The following LINGO2 variants were observed in gnomAD, a reference collection of about 807,000 sequenced individuals.
LINGO2 encodes the protein leucine-rich repeat and immunoglobulin-like domain-containing nogo receptor-interacting protein 2.
In LINGO2, 14 loss-of-function variants were observed where a neutral mutation model predicts 30.6. The ratio of observed to expected loss-of-function variants is 0.46; its 90% CI spans 0.30 to 0.72. LINGO2 has a LOEUF of 0.72. Among genes scored for constraint, LINGO2 ranks in the 30% least tolerant of loss-of-function variants. LINGO2 has a pLI of 0.07. For missense variants in LINGO2, 729 were observed against 751.7 expected (o/e 0.97, Z 0.35); for synonymous variants, 317 against 288.5 (o/e 1.10, Z -1.00).
chr9:29,021,310 A>G, the LINGO2 span, among the ~76,000 whole-genome samples: 1 of 152,198 alleles, frequency 6.6e-6, no homozygotes, highest in African/African-American at 2.4e-5. Context: ...GTACACTCAT[A>G]GGTAAAATTC....
intron 4 of LINGO2, among the ~76,000 whole-genome samples, chr9:28,094,531 G>C (rs998715020): frequency 3.6e-5 from 5 of 137,478 alleles, no homozygotes; most frequent in Non-Finnish European, 6.0e-5. Context: ...GTGTGTGTGA[G>C]AGAGAGAGAG....
intron 4 of LINGO2, among the ~76,000 whole-genome samples, chr9:28,034,174 C>CAGCA (rs773231186): frequency 1.3e-5 from 2 of 152,160 alleles, no homozygotes; most frequent in Non-Finnish European, 2.9e-5. Flanking sequence ...CTGGGGCGTT[C>CAGCA]AGCAGCCTGC....
chr9:28,340,457 A>G (rs1825731746), intron 3 of LINGO2, among the ~76,000 whole-genome samples: 1 of 152,176 alleles, frequency 6.6e-6, no homozygotes, highest in Non-Finnish European at 1.5e-5. Flanking sequence ...ATTATATGAA[A>G]TTTGATTTGA....
intron 3 of LINGO2, among the ~76,000 whole-genome samples, chr9:28,321,058 AT>A (rs147262109): frequency 3.3e-5 from 5 of 151,908 alleles, no homozygotes; most frequent in South Asian, 2.1e-4. Context: ...ATTTTTGTTA[AT>A]TTTTTTTAAA....
chr9:28,967,191 G>A, the LINGO2 span, among the ~76,000 whole-genome samples: 1 of 152,068 alleles, frequency 6.6e-6, no homozygotes, highest in Non-Finnish European at 1.5e-5. Context: ...TCTGCCTTGA[G>A]GCCCAAGGCA....
the LINGO2 span, among the ~76,000 whole-genome samples, chr9:28,687,972 G>C: frequency 1.3e-5 from 2 of 152,098 alleles, no homozygotes; most frequent in Non-Finnish European, 2.9e-5. Flanking sequence ...TGTGTCAGCT[G>C]CATAAAACAG....
At chr9:28,376,091 T>TC (rs1396857242) in intron 2 of LINGO2, among the ~76,000 whole-genome samples, 1 of 151,408 alleles carries the variant, frequency 6.6e-6, no homozygotes, top group African/African-American at 2.4e-5. Flanking sequence ...TCCTTGCTTT[T>TC]TTTTTTTTTT....
chr9:28,195,641 C>G (rs887299484), intron 4 of LINGO2, among the ~76,000 whole-genome samples: 1 of 150,928 alleles, frequency 6.6e-6, no homozygotes, highest in Non-Finnish European at 1.5e-5. Context: ...AATAATATTA[C>G]CAGAACAGAT....
chr9:28,685,188 C>T, the LINGO2 span, among the ~76,000 whole-genome samples: 1 of 152,086 alleles, frequency 6.6e-6, no homozygotes, highest in Admixed American at 6.6e-5. Flanking sequence ...CATAGTATTC[C>T]ATGCTGTATT....
intron 4 of LINGO2, among the ~76,000 whole-genome samples, chr9:28,111,260 T>C (rs565538468): frequency 2.0e-5 from 3 of 152,096 alleles, no homozygotes; most frequent in Non-Finnish European, 4.4e-5. Context: ...ACAGGAGGTA[T>C]AGCATTAGGA....
the LINGO2 span, among the ~76,000 whole-genome samples, chr9:29,186,495 A>T: frequency 6.6e-6 from 1 of 152,090 alleles, no homozygotes; most frequent in Non-Finnish European, 1.5e-5. Context: ...TTTATAACTA[A>T]TGTACAAAAT....
At chr9:28,311,900 T>A (rs1373544560) in intron 3 of LINGO2, among the ~76,000 whole-genome samples, 1 of 152,172 alleles carries the variant, frequency 6.6e-6, no homozygotes, top group Non-Finnish European at 1.5e-5. Flanking sequence ...CCATGAAATC[T>A]TCACAATTTA....
chr9:28,850,059 G>C, the LINGO2 span, among the ~76,000 whole-genome samples: 3 of 151,744 alleles, frequency 2.0e-5, no homozygotes, highest in Non-Finnish European at 4.4e-5. Flanking sequence ...TTAGTTCTAC[G>C]GTTTTCTTTT....
chr9:29,056,490 T>G, the LINGO2 span, among the ~76,000 whole-genome samples: 3 of 152,190 alleles, frequency 2.0e-5, no homozygotes, highest in Non-Finnish European at 2.9e-5. Flanking sequence ...TTCTAGATAT[T>G]AGTCCTTCAT....
rs192575952 is a variant in LINGO2 at position 28,004,834 on chromosome 9, G to C, written c.-36+7521C>G. Among the ~76,000 whole-genome samples the C allele has an allele frequency of 3.9e-5, 6 of 152,266 alleles. No homozygotes were observed. The Middle Eastern group carries it at 0.01, about 259-fold the overall frequency. ...GGTATGGGTAGAGATAGAAATGTTG[G>C]AGAATGCGGCAGGGATCTCTGTTTT... On this transcript the variant is annotated intron_variant, in intron 5 of 5. Coordinates refer to ENST00000379992, the Ensembl canonical transcript of LINGO2.
At chr9:28,477,848 A>G (rs981563683) in intron 1 of LINGO2, among the ~76,000 whole-genome samples, 2 of 152,192 alleles carry the variant, frequency 1.3e-5, no homozygotes, top group African/African-American at 4.8e-5. Context: ...ACAATGATCT[A>G]TTGTGGTCTA....
exon 6 of LINGO2, chr9:27,949,163 G>A (rs369907065): frequency 9.9e-6 from 16 of 1,613,964 alleles, no homozygotes; most frequent in African/African-American, 4.0e-5. Context: ...GATCTGAAGC[G>A]AATCCTTTCA....
At chr9:28,117,839 C>A (rs561439756) in intron 4 of LINGO2, among the ~76,000 whole-genome samples, 1 of 151,802 alleles carries the variant, frequency 6.6e-6, no homozygotes, top group Admixed American at 6.6e-5. Flanking sequence ...GAACCCGGTA[C>A]CTCAGATGGA....
chr9:28,721,329 A>G, the LINGO2 span, among the ~76,000 whole-genome samples: 1 of 152,188 alleles, frequency 6.6e-6, no homozygotes, highest in Admixed American at 6.5e-5. Flanking sequence ...AAAGGATTAT[A>G]AATTGTACTG....
Sources: gnomAD v4.1 joint callset for allele counts (sites outside exome capture counted in the v4.1 genomes callset) on GRCh38, gnomAD v4.1.1 for gene constraint, MANE v1.5 for transcripts, NCBI Gene and HGNC (gene_info 2026-07-23, HGNC 2026-07-21) for gene names.